PKIG: variants seen among roughly 807,000 people sequenced by gnomAD.
PKIG encodes cAMP-dependent protein kinase inhibitor gamma.
Under a neutral mutation model 6.8 loss-of-function variants are expected in PKIG, and 1 was observed. The observed-to-expected ratio is 0.15, with a 90% CI of 0.05 to 0.69. The LOEUF is 0.69. Ranked by LOEUF, PKIG falls within the 30% of genes least tolerant of loss-of-function variation. PKIG has a pLI of 0.82. For missense variants in PKIG, 77 were observed against 104.0 expected, an observed-to-expected ratio of 0.74 and a Z score of 1.13; for synonymous variants, 39 against 43.0, an observed-to-expected ratio of 0.91 and a Z score of 0.36.
chr20:44,552,763 G>A (rs1310009092), intron 1 of PKIG, among the ~76,000 whole-genome samples: 4 of 152,170 alleles, frequency 2.6e-5, no homozygotes, highest in Non-Finnish European at 5.9e-5. Context: ...TGCTCATGAA[G>A]TAGTTGTTAT....
intron 2 of PKIG, among the ~76,000 whole-genome samples, chr20:44,610,972 A>T (rs963654551): frequency 6.6e-6 from 1 of 151,858 alleles, no homozygotes; most frequent in African/African-American, 2.4e-5. Context: ...GGCAGTTAGC[A>T]TATCCATCAT....
chr20:44,605,014 A>G (rs1184696210), intron 2 of PKIG, among the ~76,000 whole-genome samples: 1 of 152,218 alleles, frequency 6.6e-6, no homozygotes, highest in East Asian at 1.9e-4. Context: ...CCAGAAAAAA[A>G]AAATCTAAAG....
intron 1 of PKIG, among the ~76,000 whole-genome samples, chr20:44,535,968 C>T (rs748926201): frequency 3.3e-5 from 5 of 152,146 alleles, no homozygotes; most frequent in African/African-American, 4.8e-5. Context: ...TCCCCATTTC[C>T]GCCTCCCCAC....
intron 2 of PKIG, among the ~76,000 whole-genome samples, chr20:44,596,791 A>C (rs1600886115): frequency 6.6e-6 from 1 of 152,084 alleles, no homozygotes; most frequent in Admixed American, 6.5e-5. Flanking sequence ...GGCTTCACTC[A>C]CCCTACACTA....
At chr20:44,586,581 G>T (rs2064991922) in intron 1 of PKIG, among the ~76,000 whole-genome samples, 1 of 152,208 alleles carries the variant, frequency 6.6e-6, no homozygotes, top group South Asian at 2.1e-4. Context: ...GAAGAAGCTG[G>T]TAACAGGTGC....
At chr20:44,595,755 G>A (rs1046154417) in intron 2 of PKIG, among the ~76,000 whole-genome samples, 12 of 152,056 alleles carry the variant, frequency 7.9e-5, no homozygotes, top group Admixed American at 3.9e-4. Flanking sequence ...CTCGTGATCC[G>A]CCAGCCTTGG....
chr20:44,548,864 A>C (rs2064640982), intron 1 of PKIG, among the ~76,000 whole-genome samples: 2 of 128,574 alleles, frequency 1.6e-5, no homozygotes, highest in South Asian at 5.2e-4. Context: ...CCACACACAC[A>C]CACACACACA....
chr20:44,548,208 CT>C (rs2064634191), intron 1 of PKIG, among the ~76,000 whole-genome samples: 1 of 152,054 alleles, frequency 6.6e-6, no homozygotes, highest in South Asian at 2.1e-4. Context: ...AAGGTAGCAT[CT>C]TATCCCACAC....
At chr20:44,542,649 T>A (rs1014454888) in intron 1 of PKIG, among the ~76,000 whole-genome samples, 4 of 152,120 alleles carry the variant, frequency 2.6e-5, no homozygotes, top group Non-Finnish European at 4.4e-5. Flanking sequence ...TGCAGTGGCG[T>A]AATCTTGGCT....
At chr20:44,568,658 C>T (rs1372603807) in intron 1 of PKIG, among the ~76,000 whole-genome samples, 2 of 152,052 alleles carry the variant, frequency 1.3e-5, no homozygotes, top group Non-Finnish European at 2.9e-5. Context: ...ACCATCTTGG[C>T]CAGGCTGGTC....
chr20:44,554,041 G>C lies in PKIG; in HGVS notation c.-241+22063G>C, dbSNP rs2064691457. On this transcript the variant is annotated intron_variant, in intron 1 of 4. Coordinates refer to the PKIG transcript ENST00000372887. ...TTCAGAGAAGCTAACAGTGACAGCA[G>C]AGCATTGTAGACCAGTTTATTAATT... is the stretch of plus-strand genomic sequence containing the variant. 2.6e-5 allele frequency among the ~76,000 whole-genome samples: 4 copies of C among 152,070 alleles called. No homozygotes were observed. In the South Asian group the frequency reaches 8.3e-4, roughly 32 times the overall value.
At chr20:44,559,112 T>C in intron 1 of PKIG, among the ~76,000 whole-genome samples, 3 of 152,296 alleles carry the variant, frequency 2.0e-5, no homozygotes, top group Middle Eastern at 6.8e-3. Context: ...TAAAATAAAC[T>C]TTTAAAAAAT....
chr20:44,575,646 GC>G (rs939794380), intron 1 of PKIG, among the ~76,000 whole-genome samples: 2 of 152,226 alleles, frequency 1.3e-5, no homozygotes, highest in Non-Finnish European at 2.9e-5. Context: ...ATGAGCAGGA[GC>G]AGCAGTTAGA....
upstream of PKIG, among the ~76,000 whole-genome samples, chr20:44,577,987 T>G (rs987166655): frequency 1.3e-5 from 2 of 152,148 alleles, no homozygotes; most frequent in Non-Finnish European, 2.9e-5. Context: ...CCCTCCCTGC[T>G]GTAATGAGTG....
At chr20:44,575,881 C>T (rs538439984) in intron 1 of PKIG, among the ~76,000 whole-genome samples, 14 of 152,226 alleles carry the variant, frequency 9.2e-5, no homozygotes, top group South Asian at 4.2e-4. Context: ...TGAATCTTCT[C>T]GACGCCTGCT....
intron 2 of PKIG, among the ~76,000 whole-genome samples, chr20:44,611,266 C>T (rs145201937): frequency 2.0e-5 from 3 of 152,080 alleles, no homozygotes; most frequent in Non-Finnish European, 4.4e-5. Flanking sequence ...GTTGGCCAGC[C>T]CAGTCTCGAA....
At chr20:44,601,612 C>A (rs1247776045) in intron 2 of PKIG, among the ~76,000 whole-genome samples, 1 of 152,260 alleles carries the variant, frequency 6.6e-6, no homozygotes, top group Admixed American at 6.5e-5. Context: ...CCTGGCATTT[C>A]TGTTTCCACG....
intron 2 of PKIG, among the ~76,000 whole-genome samples, chr20:44,603,411 G>A (rs185744130): frequency 2.6e-5 from 4 of 152,060 alleles, no homozygotes; most frequent in Non-Finnish European, 4.4e-5. Context: ...TGTTAGCCCC[G>A]CTTTGCTGAG....
intron 2 of PKIG, among the ~76,000 whole-genome samples, chr20:44,603,371 A>G (rs969780087): frequency 6.6e-6 from 1 of 152,158 alleles, no homozygotes; most frequent in Non-Finnish European, 1.5e-5. Context: ...TTGAATCTTC[A>G]TAACAGCCCC....
Sources: allele counts gnomAD v4.1 joint callset (sites outside exome capture counted in the v4.1 genomes callset), GRCh38; gene constraint gnomAD v4.1.1; transcripts MANE v1.5; gene names NCBI Gene and HGNC (gene_info 2026-07-23, HGNC 2026-07-21).